PARD3B: variants seen among roughly 807,000 people sequenced by gnomAD.
PARD3B encodes the protein partitioning defective 3 homolog B.
In PARD3B, 103 loss-of-function variants were observed where a neutral mutation model predicts 130.2. The ratio of observed to expected loss-of-function variants is 0.79; its 90% CI spans 0.67 to 0.93. The LOEUF (loss-of-function observed/expected upper bound fraction) is 0.93, where lower values mean the gene tolerates loss of function less well. Ranked by LOEUF, PARD3B falls within the 40% of genes least tolerant of loss-of-function variation. The pLI is 0.00. For synonymous variants in PARD3B, 583 were observed against 553.2 expected (o/e 1.05, Z -0.76); for missense variants, 1,609 against 1,499.2 (o/e 1.07, Z -1.21).
intron 18 of PARD3B, among the ~76,000 whole-genome samples, chr2:205,386,864 A>G (rs1559042841): frequency 6.6e-6 from 1 of 152,074 alleles, no homozygotes; most frequent in Non-Finnish European, 1.5e-5. Flanking sequence ...GATAAACATG[A>G]TCTCACAGAT....
chr2:205,249,773 T>C (rs2039758860), intron 16 of PARD3B, among the ~76,000 whole-genome samples: 1 of 152,100 alleles, frequency 6.6e-6, no homozygotes, highest in South Asian at 2.1e-4. Context: ...GTCTATGGTA[T>C]GGTGAGACCT....
chr2:205,586,595 A>T (rs2054204628), intron 22 of PARD3B, among the ~76,000 whole-genome samples: 1 of 151,936 alleles, frequency 6.6e-6, no homozygotes, highest in South Asian at 2.1e-4. Flanking sequence ...TAGCCTTAAG[A>T]TATACAAAAT....
At chr2:205,177,610 G>C (rs1419670931) in intron 13 of PARD3B, among the ~76,000 whole-genome samples, 1 of 152,182 alleles carries the variant, frequency 6.6e-6, no homozygotes, top group African/African-American at 2.4e-5. Flanking sequence ...GTTCCAAGCT[G>C]TGAAATTACT....
chr2:205,087,927 C>T (rs1701842182), intron 4 of PARD3B, among the ~76,000 whole-genome samples: 1 of 152,094 alleles, frequency 6.6e-6, no homozygotes, highest in Admixed American at 6.6e-5. Flanking sequence ...AAAAAAAATA[C>T]TTAAAGTGCA....
In PARD3B at chr2:205,187,738, T is replaced by C. The variant is rs1314083602; in HGVS notation, c.2024+1875T>C. 1.3e-5 allele frequency among the ~76,000 whole-genome samples: 2 copies of C among 152,250 alleles called. No homozygotes were observed. Among genetic ancestry groups the C allele is most frequent in the Non-Finnish European group, 2.9e-5 (2 of 68,046 alleles). On this transcript the variant is annotated intron_variant, in intron 14 of 22. Coordinates refer to ENST00000406610, the MANE Select transcript of PARD3B (RefSeq NM_001302769.2). This position sits in a 1 kb window ranked among gnomAD's most constrained non-coding sequence, Gnocchi z 4.9. The stretch of plus-strand genomic sequence containing the variant: ...TTATATTGCTCCTCGCTGCTGTAAA[T>C]CTTCATTACATGGTATGAACTAGTA...
Position 205,278,039 on chromosome 2 carries a change from C to T in PARD3B, c.2186-22491C>T, listed in dbSNP as rs534962623. Among the ~76,000 whole-genome samples, 128 of 152,070 alleles carry T rather than the reference C, an allele frequency of 8.4e-4. 1 individual carries two copies. Among genetic ancestry groups the T allele is most frequent in the Non-Finnish European group, 1.6e-3 (106 of 67,984 alleles). ...AGAACCAGGTAGCACCATGCTTGGA[C>T]GCGGAGGGAGGATAGGATTTCAAGT... On this transcript the variant is annotated intron_variant, in intron 16 of 22. Transcript: ENST00000406610.
intron 19 of PARD3B, among the ~76,000 whole-genome samples, chr2:205,404,874 T>C (rs1214081411): frequency 6.6e-6 from 1 of 152,312 alleles, no homozygotes; most frequent in South Asian, 2.1e-4. Context: ...CAAATGTCTT[T>C]ATAAGTTACC....
rs1254261009 is a variant in PARD3B at position 205,160,212 on chromosome 2, C to A, written c.1620+1305C>A. Among the ~76,000 whole-genome samples, 1 of 152,186 alleles carries A rather than the reference C, an allele frequency of 6.6e-6. No individual in the cohort carries two copies. Among genetic ancestry groups the A allele is most frequent in the Non-Finnish European group, 1.5e-5 (1 of 68,032 alleles). ...CGCATAATAAATAGTCATAATTTTT[C>A]AGTAATATACACATCAATAAGCCTT... On this transcript the variant is annotated intron_variant, in intron 11 of 22. Transcript: ENST00000406610. This position sits in a 1 kb window ranked among gnomAD's most constrained non-coding sequence, Gnocchi z 4.0.
At chr2:205,360,353 A>G (rs2044344825) in intron 18 of PARD3B, among the ~76,000 whole-genome samples, 1 of 152,116 alleles carries the variant, frequency 6.6e-6, no homozygotes, top group Non-Finnish European at 1.5e-5. Context: ...ATTTTATAGT[A>G]ATCAAGTACA....
intron 1 of PARD3B, among the ~76,000 whole-genome samples, chr2:204,632,044 G>A (rs2034696267): frequency 6.6e-6 from 1 of 152,100 alleles, no homozygotes; most frequent in African/African-American, 2.4e-5. Flanking sequence ...GCAATTTGTT[G>A]GAGGTGGAGC....
chr2:204,790,794 T>C (rs2042174525), intron 2 of PARD3B, among the ~76,000 whole-genome samples: 1 of 152,216 alleles, frequency 6.6e-6, no homozygotes, highest in South Asian at 2.1e-4. Flanking sequence ...GTCCGCTTAT[T>C]ATTTGAGTTT....
intron 19 of PARD3B, among the ~76,000 whole-genome samples, chr2:205,428,227 T>A (rs2106118037): frequency 6.6e-6 from 1 of 151,938 alleles, no homozygotes; most frequent in South Asian, 2.1e-4. Flanking sequence ...CTACAAAAAA[T>A]TACGAAAATT....
At chr2:204,848,641 GTCTATCTA>G (rs112373204) in intron 2 of PARD3B, among the ~76,000 whole-genome samples, 29 of 148,452 alleles carry the variant, frequency 2.0e-4, no homozygotes, top group Admixed American at 8.0e-4. Context: ...GTGAGACTCT[GTCTATCTA>G]TCTATCTATC....
chr2:204,649,705 T>A (rs556831890), intron 1 of PARD3B, among the ~76,000 whole-genome samples: 9 of 152,322 alleles, frequency 5.9e-5, no homozygotes, highest in Non-Finnish European at 7.3e-5. Context: ...GATAACTGGC[T>A]AGCCATATGC....
chr2:204,640,929 T>C (rs1040551352), intron 1 of PARD3B, among the ~76,000 whole-genome samples: 8 of 148,026 alleles, frequency 5.4e-5, no homozygotes, highest in Admixed American at 2.0e-4. Flanking sequence ...CTATATATAA[T>C]GTATATTTAC....
intron 1 of PARD3B, among the ~76,000 whole-genome samples, chr2:204,656,450 A>G (rs1057237546): frequency 1.3e-5 from 2 of 152,184 alleles, no homozygotes; most frequent in African/African-American, 2.4e-5. Context: ...AACTTGTTTT[A>G]GTGTCATTTT....
chr2:204,857,085 A>G (rs2044977330), intron 2 of PARD3B, among the ~76,000 whole-genome samples: 1 of 152,080 alleles, frequency 6.6e-6, no homozygotes, highest in Non-Finnish European at 1.5e-5. Flanking sequence ...AGAATCTCTC[A>G]CTTATTATCA....
Position 205,146,693 on chromosome 2 carries a change from T to A in PARD3B, c.1435-12029T>A, listed in dbSNP as rs1313094617. Among the ~76,000 whole-genome samples, 2 of 152,106 alleles carry A rather than the reference T, an allele frequency of 1.3e-5. No homozygotes were observed. Among genetic ancestry groups the A allele is most frequent in the East Asian group, 3.9e-4 (2 of 5,176 alleles). On this transcript the variant is annotated intron_variant, in intron 10 of 22. Coordinates refer to ENST00000406610, the MANE Select transcript of PARD3B (RefSeq NM_001302769.2). The surrounding 1 kb of genome is among the most constrained non-coding windows in gnomAD (Gnocchi z 4.3). ...CATCATATTGTTTGTTCCTGAATCTTATGTTCATATAAAAGGACACATTCT... is the reference window on the plus strand; with the variant it reads ...CATCATATTGTTTGTTCCTGAATCTAATGTTCATATAAAAGGACACATTCT...
chr2:204,678,010 G>T lies in PARD3B; in HGVS notation c.121-8171G>T, dbSNP rs1559051789. ...AAAAAGTCACATTTTTGGAAGCAAAGATATTATTTTCATTTTTATGTAAAT... is the reference window on the plus strand; with the variant it reads ...AAAAAGTCACATTTTTGGAAGCAAATATATTATTTTCATTTTTATGTAAAT... On this transcript the variant is annotated intron_variant, in intron 1 of 22. Transcript: ENST00000406610. The surrounding 1 kb of genome is among the most constrained non-coding windows in gnomAD (Gnocchi z 4.2). Among the ~76,000 whole-genome samples the T allele has an allele frequency of 6.6e-6, 1 of 152,294 alleles. No homozygotes were observed. Among genetic ancestry groups the T allele is most frequent in the Admixed American group, 6.5e-5 (1 of 15,302 alleles).
Sources: allele counts gnomAD v4.1 joint callset (sites outside exome capture counted in the v4.1 genomes callset), GRCh38; gene constraint gnomAD v4.1.1; non-coding constraint Gnocchi (gnomAD v3.1); transcripts MANE v1.5; gene names NCBI Gene and HGNC (gene_info 2026-07-23, HGNC 2026-07-21).